Variants in PPM1E observed in about 807,000 individuals in gnomAD.
The protein encoded by PPM1E is protein phosphatase 1E.
A neutral mutation model predicts 65.9 loss-of-function variants in PPM1E; 20 were observed. The observed-to-expected ratio is 0.30, with a 90% CI of 0.21 to 0.44. PPM1E has a LOEUF of 0.44. Ranked by LOEUF, PPM1E falls within the 20% of genes least tolerant of loss-of-function variation. The pLI, the probability that PPM1E is intolerant of heterozygous loss-of-function variation, is 1.00. For synonymous variants in PPM1E, 352 were observed against 374.9 expected (o/e 0.94, Z 0.70); for missense variants, 713 against 953.1 (o/e 0.75, Z 3.32).
intron 1 of PPM1E, among the ~76,000 whole-genome samples, chr17:58,816,985 G>A (rs555324155): frequency 6.6e-6 from 1 of 151,116 alleles, no homozygotes; most frequent in Non-Finnish European, 1.5e-5. Flanking sequence ...TCTGGTAGAG[G>A]ATTTTGCCAT....
chr17:58,955,901 G>GA (rs1389892725), intron 2 of PPM1E, 134 bp downstream of exon 2: 11 of 946,248 alleles, frequency 1.2e-5, no homozygotes, highest in African/African-American at 5.2e-5. Flanking sequence ...TAGCAGGGGA[G>GA]AAAAAATGCA....
rs962488167 is a variant in PPM1E at position 58,906,285 on chromosome 17, T to C, written c.465-49364T>C. On this transcript the variant is annotated intron_variant, in intron 1 of 6. Coordinates refer to ENST00000308249, the MANE Select transcript of PPM1E (RefSeq NM_014906.5). The stretch of plus-strand genomic sequence containing the variant: ...AGGCTTATCGATTTTATTGACTCTT[T>C]CAAAGAACCAGCTTTTAGTTCCATT... Among the ~76,000 whole-genome samples the C allele has an allele frequency of 7.2e-5, 11 of 152,322 alleles. No homozygotes were observed. In the East Asian group the frequency reaches 1.7e-3, roughly 24 times the overall value.
intron 1 of PPM1E, among the ~76,000 whole-genome samples, chr17:58,888,324 G>T (rs1442159337): frequency 6.7e-6 from 1 of 149,230 alleles, no homozygotes; most frequent in African/African-American, 2.5e-5. Flanking sequence ...CTTGCATTAT[G>T]GAATATTGAT....
chr17:58,799,467 G>T (rs1034463699), intron 1 of PPM1E, among the ~76,000 whole-genome samples: 1 of 148,490 alleles, frequency 6.7e-6, no homozygotes, highest in Non-Finnish European at 1.5e-5. Context: ...TTTTGAAATG[G>T]AGTCTTGCTC....
chr17:58,884,097 C>T (rs1403880247), intron 1 of PPM1E, among the ~76,000 whole-genome samples: 2 of 152,160 alleles, frequency 1.3e-5, no homozygotes, highest in Non-Finnish European at 2.9e-5. Context: ...CTGGTGTCCT[C>T]TAATCTCCAG....
intron 1 of PPM1E, among the ~76,000 whole-genome samples, chr17:58,842,611 C>G (rs918898981): frequency 1.3e-5 from 2 of 151,618 alleles, no homozygotes; most frequent in African/African-American, 4.9e-5. Flanking sequence ...TTGAGAACAG[C>G]CTGATCAACA....
At chr17:58,924,676 G>C (rs564795628) in intron 1 of PPM1E, among the ~76,000 whole-genome samples, 1 of 152,194 alleles carries the variant, frequency 6.6e-6, no homozygotes, top group South Asian at 2.1e-4. Context: ...CCTCATCTAG[G>C]TTTTAAGCCC....
intron 1 of PPM1E, among the ~76,000 whole-genome samples, chr17:58,824,951 A>G (rs911491811): frequency 3.8e-4 from 58 of 152,014 alleles, no homozygotes; most frequent in African/African-American, 1.4e-3. Context: ...TGTGGAGAGA[A>G]GCAATTCATT....
At chr17:58,886,874 G>C (rs1359933194) in intron 1 of PPM1E, among the ~76,000 whole-genome samples, 1 of 152,216 alleles carries the variant, frequency 6.6e-6, no homozygotes, top group Non-Finnish European at 1.5e-5. Flanking sequence ...GGGATGCCTA[G>C]TGGTGGGGAG....
At chr17:58,814,346 T>C (rs2050396153) in intron 1 of PPM1E, among the ~76,000 whole-genome samples, 1 of 152,208 alleles carries the variant, frequency 6.6e-6, no homozygotes, top group Admixed American at 6.5e-5. Flanking sequence ...GTGTTTAATA[T>C]TTACTCTGTA....
intron 1 of PPM1E, among the ~76,000 whole-genome samples, chr17:58,918,229 G>A: frequency 6.6e-6 from 1 of 152,148 alleles, no homozygotes; most frequent in Middle Eastern, 3.2e-3. Context: ...GGGTAATTAA[G>A]CTTTTCTGAA....
intron 1 of PPM1E, among the ~76,000 whole-genome samples, chr17:58,774,224 A>C (rs1022750670): frequency 4.0e-5 from 6 of 150,426 alleles, no homozygotes; most frequent in African/African-American, 1.2e-4. Context: ...GAACCACTGC[A>C]TTAGGGAGAA....
intron 1 of PPM1E, among the ~76,000 whole-genome samples, chr17:58,907,064 G>A (rs1390835589): frequency 1.3e-5 from 2 of 151,950 alleles, no homozygotes; most frequent in Non-Finnish European, 2.9e-5. Flanking sequence ...GTGAAACCCC[G>A]TGTCTACTAA....
At chr17:58,933,362 T>C (rs1421089969) in intron 1 of PPM1E, among the ~76,000 whole-genome samples, 1 of 152,166 alleles carries the variant, frequency 6.6e-6, no homozygotes, top group Admixed American at 6.6e-5. Context: ...AAACTTCATG[T>C]TGGTGAAATG....
chr17:58,966,122 T>C, intron 3 of PPM1E: 1 of 554,490 alleles, frequency 1.8e-6, no homozygotes, highest in East Asian at 3.2e-5. Context: ...TAAAAATGTC[T>C]CTTATCCTTG....
chr17:58,804,405 CT>C (rs1181925373), intron 1 of PPM1E, among the ~76,000 whole-genome samples: 2 of 152,038 alleles, frequency 1.3e-5, no homozygotes, highest in Non-Finnish European at 2.9e-5. Context: ...GGAATATGCT[CT>C]TTTTTTCTTC....
intron 1 of PPM1E, among the ~76,000 whole-genome samples, chr17:58,867,141 C>T (rs1216342439): frequency 6.6e-6 from 1 of 152,262 alleles, no homozygotes; most frequent in East Asian, 1.9e-4. Context: ...CCGCCACACC[C>T]AGCTAATGTT....
intron 1 of PPM1E, among the ~76,000 whole-genome samples, chr17:58,825,181 TA>T (rs975201002): frequency 2.1e-5 from 3 of 141,346 alleles, no homozygotes; most frequent in African/African-American, 7.9e-5. Context: ...AAAACTAAAA[TA>T]AAAAAAAGAA....
chr17:58,776,672 C>T (rs774465143), intron 1 of PPM1E, among the ~76,000 whole-genome samples: 49 of 152,174 alleles, frequency 3.2e-4, no homozygotes, highest in Non-Finnish European at 4.9e-4. Flanking sequence ...AAATGATTAA[C>T]CACATTGTAG....
Sources: allele counts gnomAD v4.1 joint callset (sites outside exome capture counted in the v4.1 genomes callset), GRCh38; gene constraint gnomAD v4.1.1; transcripts MANE v1.5; gene names NCBI Gene and HGNC (gene_info 2026-07-23, HGNC 2026-07-21).